ZNF26: variants seen among roughly 807,000 people sequenced by gnomAD.
ZNF26 encodes the protein epididymis luminal protein 179.
Under a neutral mutation model 54.9 loss-of-function variants are expected in ZNF26, and 32 were observed. The ratio of observed to expected loss-of-function variants is 0.58; its 90% confidence interval spans 0.44 to 0.78. ZNF26 has a LOEUF of 0.78. ZNF26 is among the 30% of genes least tolerant of loss of function. The probability of loss-of-function intolerance (pLI) is 0.00; values close to 1 mark genes in which losing one functional copy is unlikely to be tolerated. For missense variants in ZNF26, 524 were observed against 634.0 expected (o/e 0.83, Z 1.86); for synonymous variants, 221 against 209.2 (o/e 1.06, Z -0.49).
intron 1 of ZNF26, among the ~76,000 whole-genome samples, chr12:132,999,342 G>A (rs1393519782): frequency 3.3e-5 from 5 of 152,110 alleles, no homozygotes; most frequent in East Asian, 1.9e-4. Context: ...GCCAACCTCC[G>A]CCTCCCGGGT....
rs1272799802 is a variant in ZNF26, at chr12:133,026,089, A to C, written c.*14608A>C. ...TCTTGAATTTCTGACCCAGGAAACT[A>C]TTAGATATAATAAGTCACTTTTTTT... On this transcript the variant is annotated 3_prime_UTR_variant, in exon 4 of 4. Transcript: ENST00000328654. The C allele has an allele frequency of 6.6e-6, 1 of 151,956 alleles. No individual in the cohort carries two copies. Among genetic ancestry groups the C allele is most frequent in the Admixed American group, 6.6e-5 (1 of 15,260 alleles). The allele number at this position is 151,956 out of a possible 1,614,324, so 9.4% of individuals were successfully genotyped here.
At chr12:132,986,970 G>A (rs1443820567) in intron 1 of ZNF26, 97 bp downstream of exon 1, 2 of 1,370,826 alleles carry the variant, frequency 1.5e-6, no homozygotes, top group African/African-American at 2.9e-5. Context: ...CTCACATTCA[G>A]CTGTAATTGT....
chr12:133,015,605 G>A lies in ZNF26; in HGVS notation c.*4124G>A, dbSNP rs10870564. On this transcript the variant is annotated 3_prime_UTR_variant, in exon 4 of 4. Coordinates refer to ENST00000328654, the MANE Select transcript of ZNF26 (RefSeq NM_019591.4). The stretch of plus-strand genomic sequence containing the variant: ...TGAGGATGCAGTGAGCCATGATTGT[G>A]TTTCAGCCTGGATGACAGGGCAAGA... 140,853 of 152,268 alleles carry A rather than the reference G, an allele frequency of 0.93. 65,416 individuals are homozygous for A. The highest frequency in any genetic ancestry group is 1 in the East Asian group (5,176 of 5,186). The allele number at this position is 152,268 out of a possible 1,614,324, so 9.4% of individuals were successfully genotyped here. A position where few individuals can be genotyped will look rare whatever the true frequency, so the allele number is the denominator to read the frequency against.
chr12:133,022,309 CAG>C lies in ZNF26; in HGVS notation c.*10830_*10831del, dbSNP rs1953654354. 1 of 152,068 alleles carries C rather than the reference CAG, an allele frequency of 6.6e-6. No individual in the cohort carries two copies. Among genetic ancestry groups the C allele is most frequent in the Non-Finnish European group, 1.5e-5 (1 of 68,018 alleles). The allele number at this position is 152,068 out of a possible 1,614,324, so 9.4% of individuals were successfully genotyped here. Reference sequence around the variant, plus strand: ...TCAAATCAATTTTATTTCTATATATCAGAAAAATAATATAAAATGGGATTTAA... The same window carrying C: ...TCAAATCAATTTTATTTCTATATATCAAAAATAATATAAAATGGGATTTAA... On this transcript the variant is annotated 3_prime_UTR_variant, in exon 4 of 4. Transcript: ENST00000328654.
chr12:133,004,198 G>C (rs1428090106), intron 1 of ZNF26, among the ~76,000 whole-genome samples: 2 of 152,026 alleles, frequency 1.3e-5, no homozygotes, highest in Admixed American at 6.6e-5. Context: ...TACATTTTTA[G>C]TGCTTGATTG....
rs10781671 is a variant in ZNF26, at chr12:133,017,732, A to G, written c.*6251A>G. The G allele has an allele frequency of 0.52, 78,728 of 151,928 alleles. 22,112 individuals carry two copies. The highest frequency in any genetic ancestry group is 0.64 in the Middle Eastern group (188 of 296). The allele number at this position is 151,928 out of a possible 1,614,324, so 9.4% of individuals were successfully genotyped here. Reference sequence around the variant, plus strand: ...AGTAACTGATTAATAATTATAGGCCAGGCGTGGTGGCTCACGCCTGTAATC... The same window carrying G: ...AGTAACTGATTAATAATTATAGGCCGGGCGTGGTGGCTCACGCCTGTAATC... On this transcript the variant is annotated 3_prime_UTR_variant, in exon 4 of 4. Coordinates refer to ENST00000328654, the MANE Select transcript of ZNF26 (RefSeq NM_019591.4).
At chr12:132,993,726 G>A (rs1299612489) in intron 1 of ZNF26, among the ~76,000 whole-genome samples, 1 of 152,194 alleles carries the variant, frequency 6.6e-6, no homozygotes, top group African/African-American at 2.4e-5. Context: ...AGAGTGCTGG[G>A]ATTACAGGCG....
Position 133,014,183 on chromosome 12 carries a change from G to A in ZNF26, c.*2702G>A, listed in dbSNP as rs1474620038. ...TATGTAGAATTCATAGAGCATTGCA[G>A]GAATGAGTAATGTATCAAAACTTCT... On this transcript the variant is annotated 3_prime_UTR_variant, in exon 4 of 4. Coordinates refer to ENST00000328654, the MANE Select transcript of ZNF26 (RefSeq NM_019591.4). 3 of 152,208 alleles carry A rather than the reference G, an allele frequency of 2.0e-5. No individual in the cohort carries two copies. The highest frequency in any genetic ancestry group is 4.4e-5 in the Non-Finnish European group (3 of 68,054). The allele number at this position is 152,208 out of a possible 1,614,324, so 9.4% of individuals were successfully genotyped here.
Position 133,022,194 on chromosome 12 carries a change from G to A in ZNF26, c.*10713G>A, listed in dbSNP as rs901760836. 1.3e-5 allele frequency: 2 copies of A among 151,942 alleles called. No individual in the cohort carries two copies. The highest frequency in any genetic ancestry group is 2.9e-5 in the Non-Finnish European group (2 of 67,994). 9.4% of individuals were successfully genotyped at this position (151,942 alleles called of 1,614,324 possible). On this transcript the variant is annotated 3_prime_UTR_variant, in exon 4 of 4. Transcript: ENST00000328654. ...GATCACATCACTGCACTCCAGCCTG[G>A]GTGACAGAGTGAGACCCTGTCACAC...
rs1318503518 is a variant in ZNF26, at chr12:133,001,924, C to T, written c.34-5118C>T. On this transcript the variant is annotated intron_variant, in intron 1 of 3. Coordinates refer to ENST00000328654, the MANE Select transcript of ZNF26 (RefSeq NM_019591.4). This position sits in a 1 kb window ranked among gnomAD's most constrained non-coding sequence, Gnocchi z 4.7. ...GAAAATTACCCAGATTTAGCCTGGT[C>T]GGCTGTTGCAGATGTCCAGGTTGTG... is the stretch of plus-strand genomic sequence containing the variant. Among the ~76,000 whole-genome samples, 3 of 152,172 alleles carry T rather than the reference C, an allele frequency of 2.0e-5. No homozygotes were observed. The highest frequency in any genetic ancestry group is 1.9e-4 in the East Asian group (1 of 5,192).
chr12:132,995,496 A>T (rs1318779846), intron 1 of ZNF26, among the ~76,000 whole-genome samples: 3 of 151,368 alleles, frequency 2.0e-5, no homozygotes, highest in Non-Finnish European at 4.4e-5. Context: ...TATTTGTAAT[A>T]TTACTTGTTT....
chr12:133,026,938 A>T lies in ZNF26; in HGVS notation c.*15457A>T, dbSNP rs1193492069. 6.6e-6 allele frequency: 1 copy of T among 152,226 alleles called. No homozygotes were observed. Among genetic ancestry groups the T allele is most frequent in the African/African-American group, 2.4e-5 (1 of 41,470 alleles). 9.4% of individuals were successfully genotyped at this position (152,226 alleles called of 1,614,324 possible). The stretch of plus-strand genomic sequence containing the variant: ...AGAGTGATATGAAACATAAATACCT[A>T]TATAGGTTAAGAAAAATATTCAATA... On this transcript the variant is annotated 3_prime_UTR_variant, in exon 4 of 4. Transcript: ENST00000328654.
In ZNF26 at chr12:133,003,661, C is replaced by T. The variant is rs896342611; in HGVS notation, c.34-3381C>T. On this transcript the variant is annotated intron_variant, in intron 1 of 3. Transcript: ENST00000328654. ...CATGTTTAAATCTTCTCTCCATTCTCTCTGTTCCTACTTTCAAATCATGTT... is the reference window on the plus strand; with the variant it reads ...CATGTTTAAATCTTCTCTCCATTCTTTCTGTTCCTACTTTCAAATCATGTT... Among the ~76,000 whole-genome samples the T allele has an allele frequency of 3.9e-5, 6 of 152,316 alleles. No homozygotes were observed. In the East Asian group the frequency reaches 1.2e-3, roughly 29 times the overall value.
At chr12:132,988,321 C>G (rs12579051) in intron 1 of ZNF26, among the ~76,000 whole-genome samples, 1 of 151,490 alleles carries the variant, frequency 6.6e-6, no homozygotes, top group Admixed American at 6.6e-5. Flanking sequence ...ACTGCAGCCT[C>G]GAACTCCCGG....
Position 133,011,573 on chromosome 12 carries a change from C to T in ZNF26, c.*92C>T, listed in dbSNP as rs1468513574. On this transcript the variant is annotated 3_prime_UTR_variant, in exon 4 of 4. Coordinates refer to ENST00000328654, the MANE Select transcript of ZNF26 (RefSeq NM_019591.4). ...ACAAGCAGGAGGCCCTAAAATTACA[C>T]TCATGTCAAAAATCAGAGAGGAGAG... 1.5e-6 allele frequency: 2 copies of T among 1,330,002 alleles called. No individual in the cohort carries two copies. Among genetic ancestry groups the T allele is most frequent in the African/African-American group, 1.5e-5 (1 of 67,960 alleles). The allele number at this position is 1,330,002 out of a possible 1,614,324, so 82.4% of individuals were successfully genotyped here. A position where few individuals can be genotyped will look rare whatever the true frequency, so the allele number is the denominator to read the frequency against.
Position 133,024,552 on chromosome 12 carries a change from T to G in ZNF26, c.*13071T>G, listed in dbSNP as rs1013399614. ...ATTCCATGGAGGAAATGGTAAACAG[T>G]CTTTTCAGCTTGTAAAGCATTCTCA... On this transcript the variant is annotated 3_prime_UTR_variant, in exon 4 of 4. Transcript: ENST00000328654. The G allele has an allele frequency of 3.3e-5, 5 of 152,068 alleles. No individual in the cohort carries two copies. Among genetic ancestry groups the G allele is most frequent in the Non-Finnish European group, 7.4e-5 (5 of 68,020 alleles). 9.4% of individuals were successfully genotyped at this position (152,068 alleles called of 1,614,324 possible).
At position 133,025,561 on chromosome 12, in the gene ZNF26, T is replaced by G. The variant is rs997198668; in HGVS notation, c.*14080T>G. On this transcript the variant is annotated 3_prime_UTR_variant, in exon 4 of 4. Transcript: ENST00000328654. ...CACACATTCTCTTCCACAGTGTGCC[T>G]GCTATATATTTCTCCCATGAGAGTT... 1.3e-5 allele frequency: 2 copies of G among 152,248 alleles called. No homozygotes were observed. The highest frequency in any genetic ancestry group is 4.8e-5 in the African/African-American group (2 of 41,452). The allele number at this position is 152,248 out of a possible 1,614,324, so 9.4% of individuals were successfully genotyped here.
At chr12:133,008,572 G>C (rs891207560) in intron 3 of ZNF26, among the ~76,000 whole-genome samples, 29 of 151,718 alleles carry the variant, frequency 1.9e-4, no homozygotes, top group Non-Finnish European at 3.5e-4. Context: ...GCCAGGAGAT[G>C]GAGACCATCC....
chr12:133,022,596 A>C lies in ZNF26; in HGVS notation c.*11115A>C, dbSNP rs1012445366. ...TGGGGGAAACTGGGAAAAGTGTATA[A>C]GGGATCTCTGCATTATTTTGTATAC... On this transcript the variant is annotated 3_prime_UTR_variant, in exon 4 of 4. Transcript: ENST00000328654. 7 of 152,346 alleles carry C rather than the reference A, an allele frequency of 4.6e-5. No homozygotes were observed. The highest frequency in any genetic ancestry group is 1.2e-4 in the African/African-American group (5 of 41,580). 9.4% of individuals were successfully genotyped at this position (152,346 alleles called of 1,614,324 possible).
Sources: gnomAD v4.1 joint callset for allele counts (sites outside exome capture counted in the v4.1 genomes callset) on GRCh38, gnomAD v4.1.1 for gene constraint, Gnocchi (gnomAD v3.1) non-coding constraint, MANE v1.5 for transcripts, NCBI Gene and HGNC (gene_info 2026-07-23, HGNC 2026-07-21) for gene names.